Variants in TMCO6 observed in about 807,000 individuals in gnomAD.
The protein encoded by TMCO6 is transmembrane and coiled-coil domain-containing protein 6.
TMCO6 carries 47 observed loss-of-function variants against 61.8 expected under a neutral mutation model. That is an observed-to-expected ratio of 0.76 (90% CI 0.60 to 0.97). The LOEUF (loss-of-function observed/expected upper bound fraction) is 0.97. Among genes scored for constraint, TMCO6 ranks in the 50% least tolerant of loss-of-function variants. The probability of loss-of-function intolerance (pLI) is 0.00; values close to 1 mark genes in which losing one functional copy is unlikely to be tolerated. For missense variants in TMCO6, 557 were observed against 601.6 expected (o/e 0.93, Z 0.78); for synonymous variants, 261 against 254.2 (o/e 1.03, Z -0.25).
the TMCO6 span, among the ~76,000 whole-genome samples, chr5:140,612,742 A>G: frequency 6.6e-6 from 1 of 152,234 alleles, no homozygotes; most frequent in Non-Finnish European, 1.5e-5. Flanking sequence ...GTTGAAAACA[A>G]AAGATCACAA....
chr5:140,611,580 A>G, the TMCO6 span, among the ~76,000 whole-genome samples: 1 of 152,330 alleles, frequency 6.6e-6, no homozygotes, highest in East Asian at 1.9e-4. Context: ...GTGTTTGTCC[A>G]AGATGACAGT....
the TMCO6 span, among the ~76,000 whole-genome samples, chr5:140,633,945 C>T: frequency 1.3e-5 from 2 of 152,092 alleles, no homozygotes; most frequent in South Asian, 2.1e-4. Context: ...CCCACCACCA[C>T]ACCCAGCTAA....
At chr5:140,646,736 C>T (rs148002819), downstream of TMCO6, among the ~76,000 whole-genome samples, 1 of 152,188 alleles carries the variant, frequency 6.6e-6, no homozygotes, top group African/African-American at 2.4e-5. Context: ...CTGTTAAACT[C>T]TAGCTGCATC....
the TMCO6 span, among the ~76,000 whole-genome samples, chr5:140,628,127 G>A: frequency 6.6e-6 from 1 of 151,414 alleles, no homozygotes; most frequent in Non-Finnish European, 1.5e-5. Flanking sequence ...TCCTGCCTCA[G>A]CCTCTGGAGT....
At chr5:140,643,194 G>A (rs1757154725) in intron 7 of TMCO6, among the ~76,000 whole-genome samples, 153 bp downstream of exon 7, 1 of 152,040 alleles carries the variant, frequency 6.6e-6, no homozygotes, top group African/African-American at 2.4e-5. Flanking sequence ...ACAGACCTTA[G>A]CTGTTTCTCT....
chr5:140,644,110 T>C lies in TMCO6; in HGVS notation c.1116T>C (p.Pro372=), dbSNP rs760402218. Residue 372 remains proline, a synonymous_variant, in exon 10 of 12, where the codon CCT becomes CCC. Coordinates refer to ENST00000394671, the MANE Select transcript of TMCO6 (RefSeq NM_018502.5). The stretch of plus-strand genomic sequence containing the variant: ...GTACTTCTCTTCCAGCAAACAGTCC[T>C]AGTTTCTGTACCTCCTTGCTCTCCC... ...WLLNNLTANS[P]SFCTSLLSLD... The C allele has an allele frequency of 1.4e-5, 22 of 1,614,094 alleles. No homozygotes were observed. The highest frequency in any genetic ancestry group is 1.7e-5 in the Admixed American group (1 of 60,002).
At chr5:140,633,872 CTCCG>C in the TMCO6 span, among the ~76,000 whole-genome samples, 1 of 150,592 alleles carries the variant, frequency 6.6e-6, no homozygotes, top group Non-Finnish European at 1.5e-5. Context: ...TCACTGCAAC[CTCCG>C]CCTCCTGGGT....
chr5:140,631,688 T>C, the TMCO6 span: 4 of 652,148 alleles, frequency 6.1e-6, no homozygotes, highest in Non-Finnish European at 1.1e-5. Context: ...GCCCAGCACA[T>C]AGCAGACATC....
In TMCO6 at chr5:140,643,830, A is replaced by G. The variant is rs1757205786; in HGVS notation, c.969A>G (p.Ala323=). The change falls in exon 9 of 12, where the codon GCA becomes GCG. Residue 323 remains alanine (A), a synonymous_variant. Transcript: ENST00000394671. ...RCLSNLLTEA[A]VETVGGQMQL... ...TAAGCAACCTGCTAACTGAGGCAGC[A>G]GTGGAGACTGTGGGAGGGCAAATGC... is the stretch of plus-strand genomic sequence containing the variant. 1.9e-6 allele frequency: 3 copies of G among 1,614,116 alleles called. No homozygotes were observed. Among genetic ancestry groups the G allele is most frequent in the Non-Finnish European group, 2.5e-6 (3 of 1,180,056 alleles).
the TMCO6 span, among the ~76,000 whole-genome samples, chr5:140,607,511 A>G: frequency 6.6e-6 from 1 of 152,210 alleles, no homozygotes; most frequent in Non-Finnish European, 1.5e-5. Flanking sequence ...ATTTTGGTAC[A>G]AAATTTTGTT....
At chr5:140,615,022 G>A in the TMCO6 span, among the ~76,000 whole-genome samples, 11 of 152,230 alleles carry the variant, frequency 7.2e-5, no homozygotes, top group East Asian at 1.9e-4. Flanking sequence ...ATCTCCATTC[G>A]TAAATGACAT....
chr5:140,608,350 T>C, the TMCO6 span, among the ~76,000 whole-genome samples: 1 of 152,206 alleles, frequency 6.6e-6, no homozygotes, highest in African/African-American at 2.4e-5. Flanking sequence ...ACTTGATTTG[T>C]TTGCCTTTTT....
chr5:140,618,082 A>G, the TMCO6 span, among the ~76,000 whole-genome samples: 1 of 152,198 alleles, frequency 6.6e-6, no homozygotes, highest in Admixed American at 6.5e-5. Flanking sequence ...ATGGAACAGA[A>G]TAGAGAGCCC....
the TMCO6 span, among the ~76,000 whole-genome samples, chr5:140,617,506 G>A: frequency 2.4e-4 from 37 of 152,202 alleles, no homozygotes; most frequent in Admixed American, 2.4e-3. Flanking sequence ...AGCCGAGATC[G>A]CACCCTGTAC....
the TMCO6 span, among the ~76,000 whole-genome samples, chr5:140,598,757 A>C: frequency 6.6e-6 from 1 of 152,182 alleles, no homozygotes. Context: ...AACATGGTGA[A>C]ACCCAGTCTC....
upstream of TMCO6, chr5:140,639,377 A>C: frequency 1.4e-6 from 1 of 722,054 alleles, no homozygotes; most frequent in Non-Finnish European, 2.3e-6. Flanking sequence ...CCACTCGCCG[A>C]GCCCCGCCCT....
In TMCO6 at chr5:140,641,733, C is replaced by A; in HGVS notation, c.267C>A (p.Ser89Arg). Residue 89 changes from serine (S) to arginine (R), a missense_variant, in exon 3 of 12, where the codon AGC becomes AGA. Ser to Arg is a moderately radical substitution (Grantham distance 110). Transcript: ENST00000394671. ...EEKEREGALV[S>R]LRRGLQHPET... ...AGGAGAGAGAGGGGGCTCTGGTCAG[C>A]CTTCGTCGAGGCTTGCAGCACCCTG... The A allele has an allele frequency of 6.2e-7, 1 of 1,614,212 alleles. No homozygotes were observed. The highest frequency in any genetic ancestry group is 8.5e-7 in the Non-Finnish European group (1 of 1,180,042).
chr5:140,639,701 T>C, intron 1 of TMCO6, 38 bp from the exon 2 acceptor site: 1 of 1,558,196 alleles, frequency 6.4e-7, no homozygotes, highest in Non-Finnish European at 8.7e-7. Context: ...TGGGTTGTGG[T>C]CGTCCTTCCC....
At chr5:140,647,401 G>C (rs900714849), downstream of TMCO6, 5 of 1,611,028 alleles carry the variant, frequency 3.1e-6, no homozygotes, top group Non-Finnish European at 4.2e-6. Flanking sequence ...GCTGTGGGCG[G>C]GGGCTTCCCT....
Sources: allele counts gnomAD v4.1 joint callset (sites outside exome capture counted in the v4.1 genomes callset), GRCh38; gene constraint gnomAD v4.1.1; transcripts MANE v1.5; gene names NCBI Gene and HGNC (gene_info 2026-07-23, HGNC 2026-07-21).